PCDH11X: variants seen among roughly 807,000 people sequenced by gnomAD.
PCDH11X encodes protocadherin 11 X-linked.
Under a neutral mutation model 53.3 loss-of-function variants are expected in PCDH11X, and 18 were observed. The ratio of observed to expected loss-of-function variants is 0.34; its 90% CI spans 0.23 to 0.50. The LOEUF is 0.50. Ranked by LOEUF, PCDH11X falls within the 20% of genes least tolerant of loss-of-function variation. PCDH11X has a pLI of 0.98. For missense variants in PCDH11X, 570 were observed against 1,032.4 expected (o/e 0.55, Z 6.14); for synonymous variants, 279 against 393.3 (o/e 0.71, Z 3.44).
intron 6 of PCDH11X, among the ~76,000 whole-genome samples, chrX:92,007,315 A>C (rs2062615672): frequency 9.0e-6 from 1 of 111,593 alleles, no homozygotes; most frequent in Non-Finnish European, 1.9e-5. Context: ...CTGATATTCA[A>C]ACCACAAGAC....
intron 9 of PCDH11X, among the ~76,000 whole-genome samples, chrX:92,416,278 G>T (rs1477189881): frequency 9.1e-6 from 1 of 110,218 alleles, no homozygotes; most frequent in Non-Finnish European, 1.9e-5. Flanking sequence ...GGTGACTATA[G>T]TCAATAATAA....
intron 8 of PCDH11X, among the ~76,000 whole-genome samples, chrX:92,266,512 G>A (rs1296815455): frequency 9.0e-6 from 1 of 111,626 alleles, no homozygotes; most frequent in Non-Finnish European, 1.9e-5. Context: ...TTTCAAATCA[G>A]AGGTTTAAGT....
chrX:91,966,719 G>A (rs35215072), intron 6 of PCDH11X, among the ~76,000 whole-genome samples: 3 of 110,960 alleles, frequency 2.7e-5, no homozygotes, highest in African/African-American at 9.8e-5. Context: ...AAAGCTACCC[G>A]GTATTTTAAC....
At chrX:92,526,340 G>A (rs2074452671) in intron 10 of PCDH11X, among the ~76,000 whole-genome samples, 1 of 109,645 alleles carries the variant, frequency 9.1e-6, no homozygotes, top group Middle Eastern at 4.7e-3. Context: ...TTGCTTAATA[G>A]TTCATGTTTA....
intron 6 of PCDH11X, among the ~76,000 whole-genome samples, chrX:91,936,338 A>G (rs1218222417): frequency 9.2e-6 from 1 of 109,113 alleles, no homozygotes; most frequent in African/African-American, 3.3e-5. Context: ...ATAGAGTTAA[A>G]TTGTAATTGG....
intron 8 of PCDH11X, among the ~76,000 whole-genome samples, chrX:92,308,871 G>T (rs909045720): frequency 6.4e-5 from 7 of 110,229 alleles, no homozygotes; most frequent in Non-Finnish European, 1.3e-4. Flanking sequence ...TTGCTAATAA[G>T]CATATTAAGA....
Position 92,263,123 on chromosome X carries a change from GA to G in PCDH11X, c.3126del (p.Val1045TrpfsTer76). On this transcript the variant is annotated frameshift_variant, in exon 8 of 11. Coordinates refer to ENST00000682573, the MANE Select transcript of PCDH11X (RefSeq NM_032968.5). LOFTEE classifies it high-confidence loss of function. The part of the protein sequence containing the change: ...WIHPQPQRKS[E>X]GKVAGKSQRR... ...TTTTATCCTAAATCAGCGGAAATCT[GA>G]AGGGAAAGTGGCAGGAAAGGTAAGA... is the stretch of plus-strand genomic sequence containing the variant. 8.4e-7 allele frequency: 1 copy of G among 1,186,718 alleles called. No individual in the cohort carries two copies. The highest frequency in any genetic ancestry group is 1.1e-6 in the Non-Finnish European group (1 of 880,305).
At chrX:92,265,069 C>CT (rs1201904721) in intron 8 of PCDH11X, among the ~76,000 whole-genome samples, 4 of 108,758 alleles carry the variant, frequency 3.7e-5, no homozygotes, top group Admixed American at 1.0e-4. Context: ...TAAGCAGAAT[C>CT]TTTTTTGGAG....
At chrX:92,248,999 C>T (rs1044807241) in intron 7 of PCDH11X, among the ~76,000 whole-genome samples, 5 of 111,220 alleles carry the variant, frequency 4.5e-5, no homozygotes, top group East Asian at 2.8e-4. Context: ...CCACTGTGCC[C>T]GGCCAGTAAT....
chrX:92,471,150 T>A (rs1481573984), intron 10 of PCDH11X, among the ~76,000 whole-genome samples: 1 of 101,153 alleles, frequency 9.9e-6, no homozygotes, highest in Non-Finnish European at 2.0e-5. Context: ...AAGTGTAGGT[T>A]TGTTACATAG....
intron 9 of PCDH11X, among the ~76,000 whole-genome samples, chrX:92,444,226 T>G (rs1217679240): frequency 9.3e-6 from 1 of 107,311 alleles, no homozygotes; most frequent in African/African-American, 3.4e-5. Context: ...TTTGTAGTTC[T>G]CTTTGCAGAG....
intron 8 of PCDH11X, among the ~76,000 whole-genome samples, chrX:92,272,493 C>T (rs2067981354): frequency 9.0e-6 from 1 of 111,678 alleles, no homozygotes. Context: ...CCTTGAGGAT[C>T]ACTGTCAAAC....
intron 6 of PCDH11X, among the ~76,000 whole-genome samples, chrX:91,924,462 T>C (rs1485658540): frequency 8.9e-6 from 1 of 111,817 alleles, no homozygotes; most frequent in Non-Finnish European, 1.9e-5. Flanking sequence ...TCCAGCACTA[T>C]AATAAAGATT....
intron 10 of PCDH11X, chrX:92,515,475 G>A (rs1308526416): frequency 2.3e-5 from 9 of 386,937 alleles, no homozygotes; most frequent in South Asian, 2.4e-4. Context: ...CAGCCACTGG[G>A]TGTCAGCCAT....
chrX:92,565,096 T>A (rs1281670086), intron 10 of PCDH11X, among the ~76,000 whole-genome samples: 1 of 110,590 alleles, frequency 9.0e-6, no homozygotes. Context: ...GTTAAAATAA[T>A]TTTTTTTAAA....
intron 10 of PCDH11X, among the ~76,000 whole-genome samples, chrX:92,572,586 G>T (rs1922328902): frequency 9.2e-6 from 1 of 108,355 alleles, no homozygotes; most frequent in South Asian, 4.0e-4. Flanking sequence ...CAAACTGAGG[G>T]CTGGGCCCTG....
At chrX:92,363,884 G>A (rs34324710) in intron 8 of PCDH11X, among the ~76,000 whole-genome samples, 43 of 111,020 alleles carry the variant, frequency 3.9e-4, no homozygotes, top group Non-Finnish European at 6.4e-4. Context: ...ATTGAAATTC[G>A]TCAAATGTTT....
intron 6 of PCDH11X, among the ~76,000 whole-genome samples, chrX:91,944,313 T>C (rs111706071): frequency 0.017 from 1,704 of 100,607 alleles, 33 homozygotes; most frequent in African/African-American, 0.058. Context: ...TTTATTTGCC[T>C]ATACTCCAGA....
At chrX:92,440,004 T>A (rs2072476823) in intron 9 of PCDH11X, among the ~76,000 whole-genome samples, 1 of 86,399 alleles carries the variant, frequency 1.2e-5, no homozygotes, top group South Asian at 8.5e-4. Flanking sequence ...AAAAAAACAA[T>A]TTTATTCTCT....
Sources: allele counts gnomAD v4.1 joint callset (sites outside exome capture counted in the v4.1 genomes callset), GRCh38; gene constraint gnomAD v4.1.1; transcripts MANE v1.5; gene names NCBI Gene and HGNC (gene_info 2026-07-23, HGNC 2026-07-21).